Variants in CNTLN observed in about 807,000 individuals in gnomAD.
CNTLN encodes the protein centlein.
In CNTLN, 212 loss-of-function variants were observed where a neutral mutation model predicts 180.0. The ratio of observed to expected loss-of-function variants is 1.18; its 90% CI spans 1.05 to 1.32. CNTLN has a LOEUF of 1.32. Ranked by LOEUF, CNTLN falls within the 40% of genes most tolerant of loss-of-function variation. The probability of loss-of-function intolerance (pLI) is 0.00; values close to 1 mark genes in which losing one functional copy is unlikely to be tolerated. For synonymous variants in CNTLN, 722 were observed against 563.1 expected, an observed-to-expected ratio of 1.28 and a Z score of -3.99; for missense variants, 2,095 against 1,610.9, an observed-to-expected ratio of 1.30 and a Z score of -5.14.
chr9:17,460,423 A>G (rs1831384788), intron 19 of CNTLN, among the ~76,000 whole-genome samples: 1 of 151,770 alleles, frequency 6.6e-6, no homozygotes, highest in Non-Finnish European at 1.5e-5. Flanking sequence ...CCAGATTTTA[A>G]GTTATGTTAC....
intron 25 of CNTLN, chr9:17,494,876 CTTTTTTTTT>C (rs35224903): frequency 8.8e-5 from 24 of 272,938 alleles, no homozygotes; most frequent in East Asian, 6.3e-4. Flanking sequence ...CTATACCATA[CTTTTTTTTT>C]TTTTTTTTTT....
chr9:17,270,695 C>T (rs1827870174), intron 5 of CNTLN, among the ~76,000 whole-genome samples: 1 of 152,016 alleles, frequency 6.6e-6, no homozygotes, highest in South Asian at 2.1e-4. Flanking sequence ...ATAGACCTTA[C>T]CTTTAAACCT....
At chr9:17,509,612 C>T in the CNTLN span, among the ~76,000 whole-genome samples, 4 of 152,112 alleles carry the variant, frequency 2.6e-5, no homozygotes, top group African/African-American at 9.7e-5. Flanking sequence ...GGAAGTAAAA[C>T]TTTGCAAGGT....
chr9:17,379,755 A>G lies in CNTLN; in HGVS notation c.1988-8407A>G, dbSNP rs577899516. Among the ~76,000 whole-genome samples, 37 of 152,114 alleles carry G rather than the reference A, an allele frequency of 2.4e-4. No homozygotes were observed. The South Asian group carries it at 7.5e-3, about 31-fold the overall frequency. On this transcript the variant is annotated intron_variant, in intron 13 of 25. Transcript: ENST00000380647. Reference sequence around the variant, plus strand: ...TCCATGTTCCAAATATATATTTCCTATTTTCTGACACCTGTTTCCTTCTGG... The same window carrying G: ...TCCATGTTCCAAATATATATTTCCTGTTTTCTGACACCTGTTTCCTTCTGG...
At chr9:17,348,456 G>C (rs1433649273) in intron 12 of CNTLN, among the ~76,000 whole-genome samples, 1 of 152,054 alleles carries the variant, frequency 6.6e-6, no homozygotes, top group East Asian at 1.9e-4. Context: ...ATTGCATCGA[G>C]AGAGTTTGAA....
chr9:17,343,689 C>A (rs1021471517), intron 12 of CNTLN, among the ~76,000 whole-genome samples: 2 of 152,144 alleles, frequency 1.3e-5, no homozygotes, highest in Non-Finnish European at 2.9e-5. Flanking sequence ...ACTCACAAGT[C>A]ATACAATTCA....
intron 12 of CNTLN, among the ~76,000 whole-genome samples, chr9:17,347,030 T>C (rs1436362935): frequency 3.3e-5 from 5 of 152,204 alleles, no homozygotes. Flanking sequence ...TAATTTTGGC[T>C]ATTGTAATTT....
chr9:17,440,201 G>C (rs1159894588), intron 18 of CNTLN, among the ~76,000 whole-genome samples: 3 of 152,038 alleles, frequency 2.0e-5, no homozygotes, highest in African/African-American at 4.8e-5. Context: ...TTGGGAAATG[G>C]TTTGACAGAT....
chr9:17,514,102 G>C, the CNTLN span, among the ~76,000 whole-genome samples: 1 of 151,184 alleles, frequency 6.6e-6, no homozygotes, highest in South Asian at 2.1e-4. Context: ...GAGCCCAGGA[G>C]TTTGAGACCA....
At chr9:17,372,173 A>T (rs1824376641) in intron 13 of CNTLN, among the ~76,000 whole-genome samples, 1 of 152,154 alleles carries the variant, frequency 6.6e-6, no homozygotes, top group Non-Finnish European at 1.5e-5. Context: ...TTAAAACAAA[A>T]AATTGGTTTA....
chr9:17,309,479 A>T (rs1289692326), intron 8 of CNTLN, among the ~76,000 whole-genome samples: 1 of 152,104 alleles, frequency 6.6e-6, no homozygotes, highest in Non-Finnish European at 1.5e-5. Context: ...TAGCAAATAT[A>T]GTTATCGTGA....
At chr9:17,169,974 G>C (rs918093976) in intron 2 of CNTLN, among the ~76,000 whole-genome samples, 3 of 152,070 alleles carry the variant, frequency 2.0e-5, no homozygotes, top group Non-Finnish European at 4.4e-5. Context: ...TGAATCTGTA[G>C]ATTGTTTTGG....
intron 12 of CNTLN, among the ~76,000 whole-genome samples, chr9:17,361,627 T>C (rs1359383084): frequency 1.3e-5 from 2 of 152,248 alleles, no homozygotes; most frequent in Non-Finnish European, 2.9e-5. Context: ...CTTGGTCATA[T>C]GCCTCACAAA....
intron 12 of CNTLN, among the ~76,000 whole-genome samples, chr9:17,363,828 G>A (rs931934869): frequency 6.6e-6 from 1 of 151,712 alleles, no homozygotes; most frequent in African/African-American, 2.4e-5. Context: ...TGCTTATTTT[G>A]TTTTATACCT....
chr9:17,352,572 T>C (rs1215658817), intron 12 of CNTLN, among the ~76,000 whole-genome samples: 2 of 152,126 alleles, frequency 1.3e-5, no homozygotes, highest in Admixed American at 6.5e-5. Context: ...AAATTTCACA[T>C]TAGTTGTATT....
intron 18 of CNTLN, 100 bp downstream of exon 18, chr9:17,416,289 C>T (rs948789869): frequency 5.9e-5 from 59 of 1,006,556 alleles, no homozygotes; most frequent in Non-Finnish European, 8.0e-5. Flanking sequence ...TTAGGCAGGT[C>T]TATGAGTTTT....
At chr9:17,209,131 A>G (rs1823114968) in intron 2 of CNTLN, among the ~76,000 whole-genome samples, 1 of 152,084 alleles carries the variant, frequency 6.6e-6, no homozygotes, top group African/African-American at 2.4e-5. Context: ...TGTTGAGTTT[A>G]CATTATTATT....
chr9:17,382,029 G>A (rs1291588351), intron 13 of CNTLN, among the ~76,000 whole-genome samples: 2 of 152,214 alleles, frequency 1.3e-5, no homozygotes, highest in Admixed American at 1.3e-4. Flanking sequence ...ATCCATGAAG[G>A]TATCCATGAA....
At chr9:17,434,820 C>A (rs1241975432) in intron 18 of CNTLN, among the ~76,000 whole-genome samples, 1 of 150,676 alleles carries the variant, frequency 6.6e-6, no homozygotes, top group Non-Finnish European at 1.5e-5. Flanking sequence ...AATTTGCAGA[C>A]AACAGTTCTT....
Sources: allele counts gnomAD v4.1 joint callset (sites outside exome capture counted in the v4.1 genomes callset), GRCh38; gene constraint gnomAD v4.1.1; transcripts MANE v1.5; gene names NCBI Gene and HGNC (gene_info 2026-07-23, HGNC 2026-07-21).